The following SLC35B1 variants were observed in gnomAD, a reference collection of about 807,000 sequenced individuals.
The protein encoded by SLC35B1 is ATP/ADP exchanger ER.
SLC35B1 carries 27 observed loss-of-function variants against 36.6 expected under a neutral mutation model. The observed-to-expected ratio is 0.74, with a 90% confidence interval of 0.54 to 1.02. SLC35B1 has a LOEUF of 1.02. SLC35B1 is among the 50% of genes least tolerant of loss of function. SLC35B1 has a pLI of 0.00. For missense variants in SLC35B1, 321 were observed against 383.2 expected (o/e 0.84, Z 1.35); for synonymous variants, 162 against 152.5 (o/e 1.06, Z -0.46).
intron 5 of SLC35B1, 81 bp from the exon 6 acceptor site, chr17:49,704,307 A>C: frequency 8.2e-5 from 126 of 1,537,492 alleles, no homozygotes; most frequent in Non-Finnish European, 1.0e-4. Flanking sequence ...TCTCACTCTC[A>C]GGCTCCTTGG....
rs1275093621 is a variant in SLC35B1, at chr17:49,702,883, C to G, written c.891G>C (p.Trp297Cys). 1 of 1,614,114 alleles carries G rather than the reference C, an allele frequency of 6.2e-7. No individual in the cohort carries two copies. The highest frequency in any genetic ancestry group is 1.7e-5 in the Admixed American group (1 of 60,018). ...CCAGGAACACAAGCACAGTGCCCAC[C>G]CACTGCATGGGGCTGATGGGATTGG... ...LFANPISPMQ[W>C]VGTVLVFLGL... is the part of the protein sequence containing the mutation. The change falls in exon 8 of 9, where the codon TGG becomes TGC. Residue 297 changes from tryptophan to cysteine, a missense_variant. Coordinates refer to ENST00000240333, the MANE Select transcript of SLC35B1 (RefSeq NM_005827.4).
In SLC35B1 at chr17:49,702,976, G is replaced by A; in HGVS notation, c.798C>T (p.Pro266=). 1 of 1,614,004 alleles carries A rather than the reference G, an allele frequency of 6.2e-7. No homozygotes were observed. Among genetic ancestry groups the A allele is most frequent in the Non-Finnish European group, 8.5e-7 (1 of 1,180,006 alleles). The change falls in exon 8 of 9, where the codon CCC becomes CCT. Residue 266 remains proline (P), a synonymous_variant. Transcript: ENST00000240333. ...TTGTAGTGATGATGGAGCAGGTCAG[G>A]GGACCAAAATACACAACCGTCATAA... is the stretch of plus-strand genomic sequence containing the variant. ...FIFMTVVYFG[P]LTCSIITTTR...
chr17:49,706,346 CAAAAAAAAAA>C lies in SLC35B1; in HGVS notation c.209-22_209-13del. 1.2e-5 allele frequency: 9 copies of C among 732,214 alleles called. No homozygotes were observed. Among genetic ancestry groups the C allele is most frequent in the African/African-American group, 3.3e-5 (1 of 30,590 alleles). The allele number at this position is 732,214 out of a possible 1,614,324, so 45.4% of individuals were successfully genotyped here. ...AAAAAACTGGATCACTGGGAGAAGACAAAAAAAAAAAAAAAAAAAGAAAAGAAAAGAAAAA... is the reference window on the plus strand; with the variant it reads ...AAAAAACTGGATCACTGGGAGAAGACAAAAAAAAAGAAAAGAAAAGAAAAA... On this transcript the variant is annotated splice_polypyrimidine_tract_variant and intron_variant, in intron 2 of 8. Coordinates refer to ENST00000240333, the MANE Select transcript of SLC35B1 (RefSeq NM_005827.4).
Position 49,705,267 on chromosome 17 carries a change from C to A in SLC35B1, c.385G>T (p.Val129Leu), listed in dbSNP as rs769392708. 8 of 1,614,122 alleles carry A rather than the reference C, an allele frequency of 5.0e-6. No individual in the cohort carries two copies. The South Asian group carries it at 8.8e-5, about 18-fold the overall frequency. The change falls in exon 5 of 9, where the codon GTG becomes TTG. Residue 129 changes from valine to leucine, a missense_variant. Physicochemically the swap from Val to Leu is conservative, Grantham distance 32. Transcript: ENST00000240333. ...GGGTACTTCTTCTTCAAGAGGGTCACCCCAAGGAGCATGACTACAGGGAAA... is the reference window on the plus strand; with the variant it reads ...GGGTACTTCTTCTTCAAGAGGGTCAACCCAAGGAGCATGACTACAGGGAAA... ...CKPIPVMLLGVTLLKKKYPLA... is the reference protein window; with the variant it reads ...CKPIPVMLLGLTLLKKKYPLA...
intron 3 of SLC35B1, 82 bp downstream of exon 3, chr17:49,706,122 T>TTAAAAAA: frequency 4.0e-6 from 5 of 1,239,694 alleles, no homozygotes; most frequent in Non-Finnish European, 5.5e-6. Context: ...TTTTTTTTTT[T>TTAAAAAA]AACTCACAGA....
At chr17:49,707,575 G>C (rs1175899487) in intron 1 of SLC35B1, 155 bp downstream of exon 1, 20 of 1,467,220 alleles carry the variant, frequency 1.4e-5, no homozygotes, top group Non-Finnish European at 1.7e-5. Context: ...TGGAATTCTG[G>C]GTAGGCTCAG....
intron 8 of SLC35B1, 88 bp from the exon 9 acceptor site, chr17:49,701,598 A>G (rs563486538): frequency 1.0e-6 from 1 of 1,000,564 alleles, no homozygotes; most frequent in African/African-American, 1.6e-5. Flanking sequence ...TCGGCCTTGT[A>G]TCTCCAAAAT....
chr17:49,707,591 G>A, intron 1 of SLC35B1, 139 bp downstream of exon 1: 9 of 1,452,612 alleles, frequency 6.2e-6, no homozygotes, highest in East Asian at 2.5e-5. Flanking sequence ...CTCAGCCATA[G>A]CTGCAAAAGT....
chr17:49,706,672 GAAACTC>G (rs1376269317), intron 2 of SLC35B1, among the ~76,000 whole-genome samples: 1 of 152,152 alleles, frequency 6.6e-6, no homozygotes, highest in African/African-American at 2.4e-5. Context: ...ACACACAAAA[GAAACTC>G]AAAGGGAAAG....
chr17:49,705,774 T>C lies in SLC35B1; in HGVS notation c.370+92A>G, dbSNP rs2073408243. 4 of 1,243,730 alleles carry C rather than the reference T, an allele frequency of 3.2e-6. No individual in the cohort carries two copies. In the East Asian group the frequency reaches 7.0e-5, roughly 22 times the overall value. 77.0% of individuals were successfully genotyped at this position (1,243,730 alleles called of 1,614,324 possible). On this transcript the variant is annotated intron_variant, in intron 4 of 8. Coordinates refer to ENST00000240333, the MANE Select transcript of SLC35B1 (RefSeq NM_005827.4). Reference sequence around the variant, plus strand: ...GTCCCTGGAGACAGCCATGATGGGATGATGAAGCCGAGAGGGACACAGTTG... The same window carrying C: ...GTCCCTGGAGACAGCCATGATGGGACGATGAAGCCGAGAGGGACACAGTTG...
intron 8 of SLC35B1, 109 bp from the exon 9 acceptor site, chr17:49,701,619 A>T (rs996022495): frequency 1.3e-6 from 1 of 794,224 alleles, no homozygotes; most frequent in Non-Finnish European, 2.2e-6. Flanking sequence ...GGGGGCTTTA[A>T]ATAAAATACA....
At chr17:49,701,542 A>G in intron 8 of SLC35B1, 32 bp from the exon 9 acceptor site, 1 of 1,596,488 alleles carries the variant, frequency 6.3e-7, no homozygotes, top group Non-Finnish European at 8.6e-7. Context: ...GCTTAGCCTT[A>G]TGGGGGGAAA....
chr17:49,706,369 A>AAAAAAT, intron 2 of SLC35B1, 35 bp from the exon 3 acceptor site: 1 of 1,203,658 alleles, frequency 8.3e-7, no homozygotes, highest in Non-Finnish European at 1.1e-6. Flanking sequence ...AAAAAAAGAA[A>AAAAAAT]AGAAAAGAAA....
Position 49,707,142 on chromosome 17 carries a change from C to T in SLC35B1, c.105-74G>A, listed in dbSNP as rs1015340274. 23 of 1,417,810 alleles carry T rather than the reference C, an allele frequency of 1.6e-5. No individual in the cohort carries two copies. The Admixed American group carries it at 3.9e-4, about 24-fold the overall frequency. 87.8% of individuals were successfully genotyped at this position (1,417,810 alleles called of 1,614,324 possible). ...TCACTGTCATCTAATATATCCCGAG[C>T]CACTGAAAACTTTAAAATTATCTTG... is the stretch of plus-strand genomic sequence containing the variant. On this transcript the variant is annotated intron_variant, in intron 1 of 8. Transcript: ENST00000240333.
At chr17:49,706,438 A>G (rs1455835974) in intron 2 of SLC35B1, 104 bp from the exon 3 acceptor site, 1 of 1,127,418 alleles carries the variant, frequency 8.9e-7, no homozygotes, top group African/African-American at 1.6e-5. Flanking sequence ...GCAAAGCTGA[A>G]GCCACATGAA....
In SLC35B1 at chr17:49,701,390, T is replaced by A; in HGVS notation, c.*68A>T. The A allele has an allele frequency of 1.6e-6, 2 of 1,275,594 alleles. No homozygotes were observed. Among genetic ancestry groups the A allele is most frequent in the Non-Finnish European group, 2.3e-6 (2 of 874,704 alleles). The allele number at this position is 1,275,594 out of a possible 1,614,324, so 79.0% of individuals were successfully genotyped here. On this transcript the variant is annotated 3_prime_UTR_variant, in exon 9 of 9. Transcript: ENST00000240333. Reference sequence around the variant, plus strand: ...TCCCATATTCCTATTAAGTCCATTTTCCCAAGAGATGTCACTGTTTGAGAT... The same window carrying A: ...TCCCATATTCCTATTAAGTCCATTTACCCAAGAGATGTCACTGTTTGAGAT...
At position 49,701,281 on chromosome 17, in the gene SLC35B1, C is replaced by T. The variant is rs1002412725; in HGVS notation, c.*177G>A. 1 of 587,552 alleles carries T rather than the reference C, an allele frequency of 1.7e-6. No homozygotes were observed. The allele number at this position is 587,552 out of a possible 1,614,324, so 36.4% of individuals were successfully genotyped here. The stretch of plus-strand genomic sequence containing the variant: ...AGGGCATGAAGAACAAAAACCACCA[C>T]TCTGTCTTGTTAAAATCCAAGTGCA... On this transcript the variant is annotated 3_prime_UTR_variant, in exon 9 of 9. Transcript: ENST00000240333.
At position 49,704,160 on chromosome 17, in the gene SLC35B1, T is replaced by C. The variant is rs1216961519; in HGVS notation, c.595A>G (p.Thr199Ala). 1 of 1,614,114 alleles carries C rather than the reference T, an allele frequency of 6.2e-7. No individual in the cohort carries two copies. The highest frequency in any genetic ancestry group is 1.1e-5 in the South Asian group (1 of 91,084). The change falls in exon 6 of 9, where the codon ACA becomes GCA. Residue 199 changes from threonine (T) to alanine (A), a missense_variant. Physicochemically the swap from Thr to Ala is moderately conservative, Grantham distance 58. Coordinates refer to ENST00000240333, the MANE Select transcript of SLC35B1 (RefSeq NM_005827.4). ...TTCAGCATCATGTGGTTGGAGCCTG[T>C]TTGGTAATGAGCCCGCATGTGGTCC... Reference protein sequence around the residue: ...SQDHMRAHYQTGSNHMMLNIN... With the variant: ...SQDHMRAHYQAGSNHMMLNIN...
chr17:49,704,232 A>G lies in SLC35B1; in HGVS notation c.529-6T>C. The G allele has an allele frequency of 6.2e-7, 1 of 1,612,852 alleles. No individual in the cohort carries two copies. The highest frequency in any genetic ancestry group is 8.5e-7 in the Non-Finnish European group (1 of 1,179,784). Reference sequence around the variant, plus strand: ...TCCAGGGTCAGCGATAATAGCTGGGAAAGAAAGGGTGCAGCCTGCAGTGAA... The same window carrying G: ...TCCAGGGTCAGCGATAATAGCTGGGGAAGAAAGGGTGCAGCCTGCAGTGAA... On this transcript the variant is annotated splice_region_variant and splice_polypyrimidine_tract_variant and intron_variant, in intron 5 of 8. Coordinates refer to ENST00000240333, the MANE Select transcript of SLC35B1 (RefSeq NM_005827.4).
Sources: gnomAD v4.1 joint callset for allele counts (sites outside exome capture counted in the v4.1 genomes callset) on GRCh38, gnomAD v4.1.1 for gene constraint, MANE v1.5 for transcripts, NCBI Gene and HGNC (gene_info 2026-07-23, HGNC 2026-07-21) for gene names.